FAF1: variants seen among roughly 807,000 people sequenced by gnomAD.
FAF1 encodes FAS-associated factor 1.
Under a neutral mutation model 92.5 loss-of-function variants are expected in FAF1, and 25 were observed. The ratio of observed to expected loss-of-function variants is 0.27; its 90% CI spans 0.20 to 0.38. The LOEUF (loss-of-function observed/expected upper bound fraction) is 0.38, where lower values mean the gene tolerates loss of function less well. Among genes scored for constraint, FAF1 ranks in the 10% least tolerant of loss-of-function variants. The probability of loss-of-function intolerance (pLI) is 1.00; values close to 1 mark genes in which losing one functional copy is unlikely to be tolerated. For missense variants in FAF1, 636 were observed against 793.3 expected, an observed-to-expected ratio of 0.80 and a Z score of 2.38; for synonymous variants, 234 against 273.2, an observed-to-expected ratio of 0.86 and a Z score of 1.42.
chr1:50,579,609 T>C (rs996949981), intron 12 of FAF1, among the ~76,000 whole-genome samples: 8 of 152,176 alleles, frequency 5.3e-5, no homozygotes, highest in Non-Finnish European at 8.8e-5. Context: ...TTACAAAGCA[T>C]GTCACCTAAA....
chr1:50,804,244 T>G (rs1163529748), intron 2 of FAF1, among the ~76,000 whole-genome samples: 1 of 152,098 alleles, frequency 6.6e-6, no homozygotes, highest in Non-Finnish European at 1.5e-5. Context: ...AATACCAAAA[T>G]GGAGATGTCC....
chr1:50,741,724 G>A (rs1659395378), intron 5 of FAF1, among the ~76,000 whole-genome samples: 1 of 152,214 alleles, frequency 6.6e-6, no homozygotes, highest in South Asian at 2.1e-4. Flanking sequence ...ATTAGGTGCT[G>A]TAAGAAATGA....
intron 1 of FAF1, among the ~76,000 whole-genome samples, chr1:50,950,212 A>T (rs1645203864): frequency 6.6e-6 from 1 of 152,176 alleles, no homozygotes. Context: ...AACCACAGCT[A>T]AGAAAACCTA....
Position 50,650,329 on chromosome 1 carries a change from C to T in FAF1, c.744+5113G>A, listed in dbSNP as rs1482907631. Among the ~76,000 whole-genome samples, 15 of 147,852 alleles carry T rather than the reference C, an allele frequency of 1.0e-4. No individual in the cohort carries two copies. In the South Asian group the frequency reaches 1.5e-3, roughly 15 times the overall value. Reference sequence around the variant, plus strand: ...AAGTAATAAAACTGAAAGAGTTGGCCGGGCACAGTGGCTTAGGCTTGTAAT... The same window carrying T: ...AAGTAATAAAACTGAAAGAGTTGGCTGGGCACAGTGGCTTAGGCTTGTAAT... On this transcript the variant is annotated intron_variant, in intron 8 of 18. Coordinates refer to ENST00000396153, the MANE Select transcript of FAF1 (RefSeq NM_007051.3).
At position 50,793,527 on chromosome 1, in the gene FAF1, C is replaced by T. The variant is rs145471828; in HGVS notation, c.162-5322G>A. ...CCTGGAGGTATAATAGAAAAAAACA[C>T]ACTCGGTAACTGGTAGATATTCCAT... On this transcript the variant is annotated intron_variant, in intron 3 of 18. Transcript: ENST00000396153. Among the ~76,000 whole-genome samples, 87 of 152,296 alleles carry T rather than the reference C, an allele frequency of 5.7e-4. No homozygotes were observed. The Middle Eastern group carries it at 0.014, about 24-fold the overall frequency.
At chr1:50,938,122 C>A (rs962710907) in intron 1 of FAF1, among the ~76,000 whole-genome samples, 1 of 152,174 alleles carries the variant, frequency 6.6e-6, no homozygotes, top group African/African-American at 2.4e-5. Flanking sequence ...GCCAACCATA[C>A]CACTAAGAAT....
chr1:50,739,677 A>G (rs1659310204), intron 5 of FAF1, among the ~76,000 whole-genome samples: 1 of 152,148 alleles, frequency 6.6e-6, no homozygotes, highest in Non-Finnish European at 1.5e-5. Flanking sequence ...GATCACTGAG[A>G]GCACCTCAAG....
At chr1:50,797,805 TCAAGTC>T (rs1203159959) in intron 3 of FAF1, among the ~76,000 whole-genome samples, 2 of 152,102 alleles carry the variant, frequency 1.3e-5, no homozygotes, top group African/African-American at 4.8e-5. Context: ...CAGGAGGAGT[TCAAGTC>T]CAGCCTAAGC....
chr1:50,538,304 C>G (rs1047988927), intron 14 of FAF1, among the ~76,000 whole-genome samples: 1 of 151,854 alleles, frequency 6.6e-6, no homozygotes, highest in Non-Finnish European at 1.5e-5. Context: ...AGTGCTTTAC[C>G]CATACCTCCC....
chr1:50,755,516 G>A (rs946810533), intron 4 of FAF1, among the ~76,000 whole-genome samples: 8 of 152,120 alleles, frequency 5.3e-5, no homozygotes, highest in African/African-American at 9.7e-5. Context: ...CCAGGTTCAC[G>A]GTGCAAGCTG....
rs1646146723 is a variant in FAF1 at position 50,438,809 on chromosome 1, G to C, written c.*2631C>G. 6.6e-6 allele frequency: 1 copy of C among 152,196 alleles called. No individual in the cohort carries two copies. Among genetic ancestry groups the C allele is most frequent in the Non-Finnish European group, 1.5e-5 (1 of 68,038 alleles). The allele number at this position is 152,196 out of a possible 1,614,324, so 9.4% of individuals were successfully genotyped here. A position where few individuals can be genotyped will look rare whatever the true frequency, so the allele number is the denominator to read the frequency against. On this transcript the variant is annotated 3_prime_UTR_variant, in exon 19 of 19. Coordinates refer to ENST00000396153, the MANE Select transcript of FAF1 (RefSeq NM_007051.3). Reference sequence around the variant, plus strand: ...AATCTTACTCTCTTATGTTAAAAAGGTAGATTCCATAAAAGATGCTCTCAT... The same window carrying C: ...AATCTTACTCTCTTATGTTAAAAAGCTAGATTCCATAAAAGATGCTCTCAT...
intron 1 of FAF1, among the ~76,000 whole-genome samples, chr1:50,869,998 C>T (rs184034041): frequency 2.3e-4 from 35 of 152,284 alleles, no homozygotes; most frequent in African/African-American, 7.7e-4. Flanking sequence ...TGATGGTATC[C>T]TTATAAAGTG....
chr1:50,729,000 CT>C (rs1162846379), intron 6 of FAF1, among the ~76,000 whole-genome samples: 1 of 115,630 alleles, frequency 8.6e-6, no homozygotes, highest in African/African-American at 3.5e-5. Context: ...CCAAAGAAAA[CT>C]TTATCTATCT....
At chr1:50,793,420 T>C (rs72690492) in intron 3 of FAF1, among the ~76,000 whole-genome samples, 2,095 of 152,284 alleles carry the variant, frequency 0.014, 23 homozygotes, top group Middle Eastern at 0.02. Context: ...AAAATTAGAA[T>C]TGGAAGTGAA....
At chr1:50,804,802 C>G (rs1662128781) in intron 2 of FAF1, among the ~76,000 whole-genome samples, 2 of 152,010 alleles carry the variant, frequency 1.3e-5, no homozygotes, top group Non-Finnish European at 2.9e-5. Context: ...CCACAAGAAA[C>G]AGGGATAAAA....
At chr1:50,552,517 TCTTATC>T (rs1649361799) in intron 13 of FAF1, among the ~76,000 whole-genome samples, 2 of 152,162 alleles carry the variant, frequency 1.3e-5, no homozygotes, top group African/African-American at 4.8e-5. Context: ...TTGATATAAC[TCTTATC>T]CTTATAAAGC....
intron 4 of FAF1, among the ~76,000 whole-genome samples, chr1:50,751,124 G>A (rs557154107): frequency 7.5e-6 from 1 of 133,694 alleles, no homozygotes; most frequent in South Asian, 2.7e-4. Context: ...AAAAGCATTT[G>A]ACAATATTCA....
chr1:50,906,864 CCT>C (rs1644843292), intron 1 of FAF1, among the ~76,000 whole-genome samples: 1 of 152,162 alleles, frequency 6.6e-6, no homozygotes, highest in South Asian at 2.1e-4. Context: ...AATTGAATCC[CCT>C]TTCTTTATTT....
At chr1:50,849,876 C>A (rs1473481521) in intron 2 of FAF1, among the ~76,000 whole-genome samples, 1 of 152,186 alleles carries the variant, frequency 6.6e-6, no homozygotes, top group African/African-American at 2.4e-5. Flanking sequence ...CCTGCTATAT[C>A]TATGAATCAA....
Sources: gnomAD v4.1 joint callset for allele counts (sites outside exome capture counted in the v4.1 genomes callset) on GRCh38, gnomAD v4.1.1 for gene constraint, MANE v1.5 for transcripts, NCBI Gene and HGNC (gene_info 2026-07-23, HGNC 2026-07-21) for gene names.